Variants in FARP1 observed in about 807,000 individuals in gnomAD.
The protein encoded by FARP1 is FERM, ARH/RhoGEF and pleckstrin domain protein 1.
FARP1 carries 52 observed loss-of-function variants against 128.8 expected under a neutral mutation model. The ratio of observed to expected loss-of-function variants is 0.40; its 90% CI spans 0.32 to 0.51. The LOEUF (loss-of-function observed/expected upper bound fraction) is 0.51. Ranked by LOEUF, FARP1 falls within the 20% of genes least tolerant of loss-of-function variation. The pLI, the probability that FARP1 is intolerant of heterozygous loss-of-function variation, is 0.45. For missense variants in FARP1, 1,333 were observed against 1,367.9 expected (o/e 0.97, Z 0.40); for synonymous variants, 580 against 551.8 (o/e 1.05, Z -0.72).
chr13:98,267,788 T>C (rs904473166), intron 2 of FARP1, among the ~76,000 whole-genome samples: 4 of 146,066 alleles, frequency 2.7e-5, no homozygotes, highest in Non-Finnish European at 4.5e-5. Context: ...CCTCTGATCC[T>C]GGGCCTTGTC....
At chr13:98,175,208 T>C (rs1402593855) in intron 1 of FARP1, among the ~76,000 whole-genome samples, 1 of 152,224 alleles carries the variant, frequency 6.6e-6, no homozygotes, top group Non-Finnish European at 1.5e-5. Flanking sequence ...TAGGCTCTTA[T>C]GAAAATTTAC....
intron 2 of FARP1, among the ~76,000 whole-genome samples, chr13:98,300,795 T>G (rs1182548011): frequency 2.0e-5 from 3 of 152,370 alleles, no homozygotes; most frequent in African/African-American, 7.2e-5. Context: ...GAAAATAGAC[T>G]TCTCCAAAAA....
intron 2 of FARP1, among the ~76,000 whole-genome samples, chr13:98,225,410 G>T (rs930932994): frequency 1.3e-5 from 2 of 152,100 alleles, no homozygotes; most frequent in Non-Finnish European, 2.9e-5. Flanking sequence ...GGTTTATTAC[G>T]ATCTCACCCA....
chr13:98,145,746 C>G (rs774691), intron 1 of FARP1, among the ~76,000 whole-genome samples: 13 of 95,866 alleles, frequency 1.4e-4, no homozygotes, highest in Admixed American at 3.1e-4. Flanking sequence ...GCCTGTAATC[C>G]CAGCTGCTCA....
chr13:98,176,434 A>T lies in FARP1; in HGVS notation c.-24+32942A>T. The stretch of plus-strand genomic sequence containing the variant: ...GCAGAAATAATGCCTGCACTTGGTG[A>T]CGACTGGGTTTTGGAAGGCCTGGCG... On this transcript the variant is annotated intron_variant, in intron 1 of 26. Coordinates refer to ENST00000319562, the MANE Select transcript of FARP1 (RefSeq NM_005766.4). This position sits in a 1 kb window ranked among gnomAD's most constrained non-coding sequence, Gnocchi z 6.2. 6.2e-7 allele frequency: 1 copy of T among 1,614,220 alleles called. No individual in the cohort carries two copies. The highest frequency in any genetic ancestry group is 8.5e-7 in the Non-Finnish European group (1 of 1,180,042).
At chr13:98,244,806 C>T in intron 2 of FARP1, 1 of 1,527,888 alleles carries the variant, frequency 6.5e-7, no homozygotes, top group Non-Finnish European at 8.8e-7. Context: ...CATTTCAGTG[C>T]CCAATAAGTG....
chr13:98,258,878 G>C (rs1186068359), intron 2 of FARP1, among the ~76,000 whole-genome samples: 1 of 152,132 alleles, frequency 6.6e-6, no homozygotes, highest in African/African-American at 2.4e-5. Context: ...AATTGAATTT[G>C]AGAATTTAAA....
chr13:98,444,916 C>T (rs1892727525), intron 24 of FARP1, among the ~76,000 whole-genome samples: 1 of 152,226 alleles, frequency 6.6e-6, no homozygotes, highest in Non-Finnish European at 1.5e-5. Context: ...CTTCTGGGAA[C>T]CTGGAGCCTT....
chr13:98,221,323 A>T (rs1375163142), intron 2 of FARP1, among the ~76,000 whole-genome samples: 1 of 152,180 alleles, frequency 6.6e-6, no homozygotes, highest in African/African-American at 2.4e-5. Context: ...ATGGGAGAAA[A>T]GAAAGCGAAT....
At chr13:98,313,004 A>C (rs1470114941) in intron 2 of FARP1, among the ~76,000 whole-genome samples, 1 of 152,154 alleles carries the variant, frequency 6.6e-6, no homozygotes, top group African/African-American at 2.4e-5. Flanking sequence ...AATATGTTGA[A>C]GTCCTAAGCC....
Position 98,435,456 on chromosome 13 carries a change from C to T in FARP1, c.2144-120C>T, listed in dbSNP as rs565927024. 2.9e-4 allele frequency: 274 copies of T among 940,814 alleles called. 2 individuals are homozygous for T. The highest frequency in any genetic ancestry group is 3.8e-4 in the Non-Finnish European group (248 of 646,552). 58.3% of individuals were successfully genotyped at this position (940,814 alleles called of 1,614,324 possible). ...AATAGCACTGTTTTTGCTCAAAAGA[C>T]ACCTTTGAATACTGTGCAGGGACTG... On this transcript the variant is annotated intron_variant, in intron 18 of 26. Transcript: ENST00000319562.
chr13:98,365,056 C>T (rs894845377), intron 3 of FARP1, among the ~76,000 whole-genome samples: 4 of 152,228 alleles, frequency 2.6e-5, no homozygotes, highest in Non-Finnish European at 5.9e-5. Context: ...ACGTATTTCA[C>T]TCGGCTGATA....
intron 1 of FARP1, among the ~76,000 whole-genome samples, chr13:98,169,460 C>G (rs1877501612): frequency 6.6e-6 from 1 of 152,122 alleles, no homozygotes; most frequent in Non-Finnish European, 1.5e-5. Context: ...TGCAGTGGTG[C>G]ATGCTTGTAA....
chr13:98,365,388 C>T lies in FARP1; in HGVS notation c.277-7C>T, dbSNP rs752189335. ...TAGGTCTTAATCTGTTCTTTTTTCC[C>T]TTCTAGGTGTGGCTGGATCTCCTAA... On this transcript the variant is annotated splice_region_variant and splice_polypyrimidine_tract_variant and intron_variant, in intron 3 of 26. Coordinates refer to ENST00000319562, the MANE Select transcript of FARP1 (RefSeq NM_005766.4). 4.6e-5 allele frequency: 74 copies of T among 1,606,296 alleles called. No homozygotes were observed. Among genetic ancestry groups the T allele is most frequent in the Non-Finnish European group, 6.2e-5 (73 of 1,173,482 alleles).
At chr13:98,189,665 A>G (rs1451176647) in intron 1 of FARP1, among the ~76,000 whole-genome samples, 1 of 152,244 alleles carries the variant, frequency 6.6e-6, no homozygotes, top group Non-Finnish European at 1.5e-5. Context: ...TATTATTGCC[A>G]TGCATATTAT....
At chr13:98,170,333 G>A (rs1278329092) in intron 1 of FARP1, among the ~76,000 whole-genome samples, 1 of 150,704 alleles carries the variant, frequency 6.6e-6, no homozygotes. Flanking sequence ...ACAGGCATGC[G>A]CCACCATGCC....
chr13:98,341,939 C>A (rs1289604248), intron 2 of FARP1, among the ~76,000 whole-genome samples: 1 of 152,158 alleles, frequency 6.6e-6, no homozygotes, highest in Non-Finnish European at 1.5e-5. Context: ...AATAAGAATA[C>A]AAAGATGACC....
chr13:98,365,642 C>T lies in FARP1; in HGVS notation c.319+205C>T, dbSNP rs964482848. Among the ~76,000 whole-genome samples, 27 of 152,198 alleles carry T rather than the reference C, an allele frequency of 1.8e-4. 1 individual carries two copies. Among genetic ancestry groups the T allele is most frequent in the African/African-American group, 6.3e-4 (26 of 41,522 alleles). On this transcript the variant is annotated intron_variant, in intron 4 of 26. Transcript: ENST00000319562. ...TGTGTAACAGTTTGGTAATCAAAAC[C>T]GAGCTTGGAAAATAAAATATCATTT...
intron 2 of FARP1, among the ~76,000 whole-genome samples, chr13:98,238,558 AAGG>A (rs1321247780): frequency 6.6e-6 from 1 of 152,208 alleles, no homozygotes; most frequent in Non-Finnish European, 1.5e-5. Flanking sequence ...GCAGAAGGCA[AAGG>A]AGGAGAAAGG....
Sources: allele counts gnomAD v4.1 joint callset (sites outside exome capture counted in the v4.1 genomes callset), GRCh38; gene constraint gnomAD v4.1.1; non-coding constraint Gnocchi (gnomAD v3.1); transcripts MANE v1.5; gene names NCBI Gene and HGNC (gene_info 2026-07-23, HGNC 2026-07-21).